GNAL: variants seen among roughly 807,000 people sequenced by gnomAD.
GNAL encodes G protein subunit alpha L.
A neutral mutation model predicts 55.1 loss-of-function variants in GNAL; 18 were observed. The observed-to-expected ratio is 0.33, with a 90% CI of 0.23 to 0.48. GNAL has a LOEUF of 0.48. Among genes scored for constraint, GNAL ranks in the 20% least tolerant of loss-of-function variants. GNAL has a pLI of 0.99. For synonymous variants in GNAL, 253 were observed against 237.0 expected (o/e 1.07, Z -0.62); for missense variants, 412 against 614.1 (o/e 0.67, Z 3.48).
chr18:11,867,280 C>T (rs530086914), intron 8 of GNAL, 54 bp downstream of exon 8: 202 of 1,040,094 alleles, frequency 1.9e-4, no homozygotes, highest in Admixed American at 1.4e-3. Context: ...ACACTCAGCA[C>T]TGCTGTGCTT....
intron 5 of GNAL, among the ~76,000 whole-genome samples, chr18:11,843,656 G>T (rs111487692): frequency 2.2e-4 from 33 of 152,224 alleles, no homozygotes; most frequent in African/African-American, 5.5e-4. Flanking sequence ...GCTTCCTAAC[G>T]AAAGACAGTA....
intron 5 of GNAL, among the ~76,000 whole-genome samples, chr18:11,855,235 C>A (rs983808072): frequency 6.6e-6 from 1 of 152,094 alleles, no homozygotes; most frequent in African/African-American, 2.4e-5. Flanking sequence ...CCACCGCGCC[C>A]GGTCCCCTGG....
chr18:11,851,245 C>G (rs555092000), intron 5 of GNAL, among the ~76,000 whole-genome samples: 3 of 152,238 alleles, frequency 2.0e-5, no homozygotes, highest in African/African-American at 7.2e-5. Flanking sequence ...GAGCGTTCCC[C>G]GCCGCAGCGC....
At chr18:11,812,320 C>T (rs943083145) in intron 4 of GNAL, among the ~76,000 whole-genome samples, 1 of 152,134 alleles carries the variant, frequency 6.6e-6, no homozygotes, top group South Asian at 2.1e-4. Flanking sequence ...CAGTAGAAAT[C>T]CTGCAACTGG....
At chr18:11,753,500 G>A (rs1028540299) in intron 2 of GNAL, 128 bp from the exon 3 acceptor site, 48 of 638,506 alleles carry the variant, frequency 7.5e-5, no homozygotes, top group Non-Finnish European at 1.1e-4. Flanking sequence ...ATGTCTTGGG[G>A]GTTGATACTG....
chr18:11,755,901 A>G (rs555512509), intron 4 of GNAL, among the ~76,000 whole-genome samples: 1 of 152,162 alleles, frequency 6.6e-6, no homozygotes, highest in Non-Finnish European at 1.5e-5. Flanking sequence ...CCAGAACTAC[A>G]TGGTCCTGGT....
At chr18:11,820,910 A>G (rs563211598) in intron 4 of GNAL, among the ~76,000 whole-genome samples, 5 of 152,344 alleles carry the variant, frequency 3.3e-5, no homozygotes, top group Non-Finnish European at 5.9e-5. Flanking sequence ...TACTCTTGCT[A>G]TCAACACATG....
rs181060328 is a variant in GNAL, at chr18:11,878,776, C to G, written c.1230+2088C>G. ...AGAGATACAGCCTTGCTATGTTGGC[C>G]AGGCTGGTCTCGAACTCCTCGCCTC... is the stretch of plus-strand genomic sequence containing the variant. On this transcript the variant is annotated intron_variant, in intron 11 of 11. Coordinates refer to ENST00000334049, the MANE Select transcript of GNAL (RefSeq NM_182978.4). Among the ~76,000 whole-genome samples, 477 of 152,094 alleles carry G rather than the reference C, an allele frequency of 3.1e-3. 1 individual carries two copies. The highest frequency in any genetic ancestry group is 6.8e-3 in the Middle Eastern group (2 of 294).
chr18:11,779,713 G>C (rs1568023582), intron 4 of GNAL, among the ~76,000 whole-genome samples: 1 of 152,180 alleles, frequency 6.6e-6, no homozygotes, highest in Non-Finnish European at 1.5e-5. Context: ...CCTCCCCTAG[G>C]CTGGGGGTAG....
intron 5 of GNAL, among the ~76,000 whole-genome samples, chr18:11,835,095 C>G (rs2050163368): frequency 6.6e-6 from 1 of 152,138 alleles, no homozygotes. Flanking sequence ...TTGAGCTACA[C>G]AGATAGATGC....
intron 5 of GNAL, among the ~76,000 whole-genome samples, chr18:11,838,246 A>G: frequency 6.6e-6 from 1 of 152,244 alleles, no homozygotes; most frequent in Middle Eastern, 3.2e-3. Flanking sequence ...GTCCTGATGC[A>G]TGCTACAACA....
At chr18:11,715,950 C>T (rs61076914) in intron 1 of GNAL, among the ~76,000 whole-genome samples, 12,097 of 150,626 alleles carry the variant, frequency 0.08, 814 homozygotes, top group African/African-American at 0.18. Flanking sequence ...CATGAGATAC[C>T]ATCTCACACC....
intron 4 of GNAL, among the ~76,000 whole-genome samples, chr18:11,791,400 G>A (rs1008573709): frequency 6.6e-6 from 1 of 152,212 alleles, no homozygotes; most frequent in African/African-American, 2.4e-5. Flanking sequence ...GGGTTAGGGG[G>A]TGAAACCAGA....
Position 11,885,442 on chromosome 18 carries a change from C to A in GNAL, c.*4307C>A. ...ACGGCCCTCCCTGAAGGATAAAGTC[C>A]ACCTGGACGGTGCCCTGCCCTCGCT... On this transcript the variant is annotated 3_prime_UTR_variant, in exon 12 of 12. Transcript: ENST00000334049. 1 of 541,440 alleles carries A rather than the reference C, an allele frequency of 1.8e-6. No homozygotes were observed. Among genetic ancestry groups the A allele is most frequent in the South Asian group, 2.3e-5 (1 of 43,756 alleles). 33.5% of individuals were successfully genotyped at this position (541,440 alleles called of 1,614,324 possible).
chr18:11,879,914 G>A (rs367655396), intron 11 of GNAL, among the ~76,000 whole-genome samples: 2 of 152,240 alleles, frequency 1.3e-5, no homozygotes, highest in Non-Finnish European at 2.9e-5. Context: ...GGCCGCCACC[G>A]GGCCGCTGCA....
intron 4 of GNAL, among the ~76,000 whole-genome samples, chr18:11,756,807 ATG>A (rs1434997893): frequency 1.3e-5 from 2 of 152,188 alleles, no homozygotes; most frequent in African/African-American, 4.8e-5. Context: ...ATTTAAAAGA[ATG>A]TATGTTTTTT....
intron 1 of GNAL, among the ~76,000 whole-genome samples, chr18:11,727,102 G>C (rs1174052420): frequency 6.6e-6 from 1 of 152,046 alleles, no homozygotes; most frequent in African/African-American, 2.4e-5. Context: ...TTGCTGTTCA[G>C]TGTGGGCCCT....
chr18:11,822,820 CTTTTTTTTTTTT>C (rs56128456), intron 4 of GNAL, among the ~76,000 whole-genome samples: 7 of 139,708 alleles, frequency 5.0e-5, no homozygotes, highest in African/African-American at 8.3e-5. Flanking sequence ...TTTTTTTTTT[CTTTTTTTTTTTT>C]TTTTTTTGAC....
intron 4 of GNAL, among the ~76,000 whole-genome samples, chr18:11,780,226 C>T (rs79719338): frequency 1.3e-3 from 204 of 151,940 alleles, no homozygotes; most frequent in Non-Finnish European, 2.4e-3. Flanking sequence ...GACTCCAATC[C>T]CTGAAGTAGA....
Sources: gnomAD v4.1 joint callset for allele counts (sites outside exome capture counted in the v4.1 genomes callset) on GRCh38, gnomAD v4.1.1 for gene constraint, MANE v1.5 for transcripts, NCBI Gene and HGNC (gene_info 2026-07-23, HGNC 2026-07-21) for gene names.